DLGAP2: variants seen among roughly 807,000 people sequenced by gnomAD.
DLGAP2 encodes disks large-associated protein 2.
A neutral mutation model predicts 100.3 loss-of-function variants in DLGAP2; 26 were observed. The observed-to-expected ratio is 0.26, with a 90% CI of 0.19 to 0.36. The LOEUF (loss-of-function observed/expected upper bound fraction) is 0.36. Among genes scored for constraint, DLGAP2 ranks in the 10% least tolerant of loss-of-function variants. DLGAP2 has a pLI of 1.00. For synonymous variants in DLGAP2, 886 were observed against 630.1 expected, an observed-to-expected ratio of 1.41 and a Z score of -6.08; for missense variants, 1,858 against 1,453.2, an observed-to-expected ratio of 1.28 and a Z score of -4.53.
At chr8:1,684,381 A>C (rs1563061644) in intron 12 of DLGAP2, among the ~76,000 whole-genome samples, 2 of 152,206 alleles carry the variant, frequency 1.3e-5, no homozygotes, top group South Asian at 4.2e-4. Flanking sequence ...TTTAAAAGGT[A>C]AGATGATAAC....
chr8:1,254,947 G>A (rs974265187), intron 2 of DLGAP2, among the ~76,000 whole-genome samples: 1 of 134,290 alleles, frequency 7.4e-6, no homozygotes, highest in Non-Finnish European at 1.5e-5. Flanking sequence ...TCCTGCCCGG[G>A]TGCTGTGTGT....
chr8:738,929 G>C (rs1381678695), intron 1 of DLGAP2: 1 of 153,290 alleles, frequency 6.5e-6, no homozygotes, highest in African/African-American at 2.4e-5. Context: ...ATGCGCGTCG[G>C]AAACTCGCGG....
At chr8:1,676,683 G>A in intron 11 of DLGAP2, 65 bp downstream of exon 11, 2 of 1,492,582 alleles carry the variant, frequency 1.3e-6, no homozygotes, top group Non-Finnish European at 1.8e-6. Context: ...AGGCCTGATG[G>A]AAGCTCCTAG....
intron 1 of DLGAP2, among the ~76,000 whole-genome samples, chr8:882,334 C>T (rs926719792): frequency 2.0e-5 from 3 of 151,228 alleles, no homozygotes; most frequent in Non-Finnish European, 4.4e-5. Context: ...CCTGGCCCAG[C>T]GGCACCGCTC....
At chr8:1,420,168 T>G (rs1315285198) in intron 3 of DLGAP2, among the ~76,000 whole-genome samples, 1 of 152,172 alleles carries the variant, frequency 6.6e-6, no homozygotes, top group Non-Finnish European at 1.5e-5. Context: ...GCTAGTTCCC[T>G]GAGGACTGCC....
At chr8:1,505,156 G>A (rs1563188590) in intron 4 of DLGAP2, among the ~76,000 whole-genome samples, 1 of 152,160 alleles carries the variant, frequency 6.6e-6, no homozygotes, top group Non-Finnish European at 1.5e-5. Context: ...TAAATTGAGA[G>A]GGTTAAATGA....
chr8:1,421,534 G>C (rs1797087519), intron 3 of DLGAP2, among the ~76,000 whole-genome samples: 1 of 152,194 alleles, frequency 6.6e-6, no homozygotes, highest in South Asian at 2.1e-4. Context: ...CCATGGGGTG[G>C]GGGGAATTTA....
In DLGAP2 at chr8:1,702,118, G is replaced by A. The variant is rs1016465852; in HGVS notation, c.*712G>A. ...CAGCATCTACACATTCAAAAGATAA[G>A]CTGAGTGTTCCCACCAGGAAGTCAC... On this transcript the variant is annotated 3_prime_UTR_variant, in exon 15 of 15. Transcript: ENST00000637795. 6.6e-6 allele frequency: 1 copy of A among 152,214 alleles called. No homozygotes were observed. The allele number at this position is 152,214 out of a possible 1,614,324, so 9.4% of individuals were successfully genotyped here. A position where few individuals can be genotyped will look rare whatever the true frequency, so the allele number is the denominator to read the frequency against.
At chr8:758,857 G>A (rs1382236330) in intron 1 of DLGAP2, among the ~76,000 whole-genome samples, 1 of 152,038 alleles carries the variant, frequency 6.6e-6, no homozygotes. Context: ...CACCATGCCC[G>A]GCCAAGACTA....
chr8:1,174,195 A>G (rs1202604679), intron 2 of DLGAP2, among the ~76,000 whole-genome samples: 1 of 152,104 alleles, frequency 6.6e-6, no homozygotes, highest in Non-Finnish European at 1.5e-5. Context: ...CAGGATTCTA[A>G]GGAAGAAGGA....
At chr8:1,662,953 CAT>C (rs1440507364) in intron 8 of DLGAP2, among the ~76,000 whole-genome samples, 19 of 131,760 alleles carry the variant, frequency 1.4e-4, no homozygotes, top group East Asian at 4.6e-4. Flanking sequence ...TGTGTGTACA[CAT>C]GTGTGAGTGT....
At chr8:875,060 T>A (rs1397642866) in intron 1 of DLGAP2, among the ~76,000 whole-genome samples, 1 of 152,252 alleles carries the variant, frequency 6.6e-6, no homozygotes, top group Non-Finnish European at 1.5e-5. Flanking sequence ...TCAATGTAGC[T>A]ATTCTAGCTT....
rs1563100449 is a variant in DLGAP2 at position 1,352,222 on chromosome 8, CG to C, written c.106+93342del. 1.7e-5 allele frequency among the ~76,000 whole-genome samples: 2 copies of C among 119,664 alleles called. 1 individual carries two copies. 78.5% of individuals were successfully genotyped at this position (119,664 alleles called of 152,430 possible). A position where few individuals can be genotyped will look rare whatever the true frequency, so the allele number is the denominator to read the frequency against. ...CCTGACTGTGTGTGGAAAGGCCGTG[CG>C]GGTCCTGACTGTGTTTGGAAAGGCC... On this transcript the variant is annotated intron_variant, in intron 3 of 14. Transcript: ENST00000637795.
At position 1,702,376 on chromosome 8, in the gene DLGAP2, C is replaced by T. The variant is rs1799598682; in HGVS notation, c.*970C>T. 1 of 151,656 alleles carries T rather than the reference C, an allele frequency of 6.6e-6. No homozygotes were observed. Among genetic ancestry groups the T allele is most frequent in the South Asian group, 2.1e-4 (1 of 4,800 alleles). 9.4% of individuals were successfully genotyped at this position (151,656 alleles called of 1,614,324 possible). A position where few individuals can be genotyped will look rare whatever the true frequency, so the allele number is the denominator to read the frequency against. ...CAGGGTATCCTTAAAAAAAAACACA[C>T]ACGAAAAACAAAAGTTTGCTTGTTT... On this transcript the variant is annotated 3_prime_UTR_variant, in exon 15 of 15. Transcript: ENST00000637795.
chr8:1,160,197 A>G (rs1585110914), intron 2 of DLGAP2, among the ~76,000 whole-genome samples: 1 of 152,286 alleles, frequency 6.6e-6, no homozygotes, highest in South Asian at 2.1e-4. Flanking sequence ...TAGTCAGTTC[A>G]CCGTAGAAAA....
chr8:1,328,175 G>C (rs964933780), intron 3 of DLGAP2, among the ~76,000 whole-genome samples: 1 of 151,236 alleles, frequency 6.6e-6, no homozygotes, highest in African/African-American at 2.4e-5. Flanking sequence ...AAGTAGCCGG[G>C]ACTACAGGCA....
chr8:1,092,903 G>T (rs1804232114), intron 2 of DLGAP2, among the ~76,000 whole-genome samples: 1 of 152,200 alleles, frequency 6.6e-6, no homozygotes. Context: ...TGTGTGGTGT[G>T]GGGCAGTGAA....
chr8:1,675,827 T>G (rs776018385), intron 10 of DLGAP2, among the ~76,000 whole-genome samples: 1 of 151,918 alleles, frequency 6.6e-6, no homozygotes, highest in Non-Finnish European at 1.5e-5. Context: ...GGTTTGGTTT[T>G]GTTTTTTTTT....
At chr8:921,232 G>A (rs1370995997) in intron 2 of DLGAP2, among the ~76,000 whole-genome samples, 1 of 151,968 alleles carries the variant, frequency 6.6e-6, no homozygotes, top group Non-Finnish European at 1.5e-5. Context: ...CTTTAGACTT[G>A]TTTCCCCTGA....
Sources: gnomAD v4.1 joint callset for allele counts (sites outside exome capture counted in the v4.1 genomes callset) on GRCh38, gnomAD v4.1.1 for gene constraint, MANE v1.5 for transcripts, NCBI Gene and HGNC (gene_info 2026-07-23, HGNC 2026-07-21) for gene names.